NOL4L: variants seen among roughly 807,000 people sequenced by gnomAD.
NOL4L encodes the protein nucleolar protein 4 like.
A neutral mutation model predicts 64.5 loss-of-function variants in NOL4L; 7 were observed. The observed-to-expected ratio is 0.11, with a 90% CI of 0.06 to 0.20. The LOEUF (loss-of-function observed/expected upper bound fraction) is 0.20. Among genes scored for constraint, NOL4L ranks in the 10% least tolerant of loss-of-function variants. NOL4L has a pLI of 1.00. For missense variants in NOL4L, 680 were observed against 967.1 expected, an observed-to-expected ratio of 0.70 and a Z score of 3.94; for synonymous variants, 413 against 401.0, an observed-to-expected ratio of 1.03 and a Z score of -0.36.
intron 1 of NOL4L, among the ~76,000 whole-genome samples, chr20:32,576,658 T>G (rs1980126554): frequency 6.6e-6 from 1 of 152,132 alleles, no homozygotes; most frequent in Non-Finnish European, 1.5e-5. Context: ...CACAACCACG[T>G]GGGTGAGAGG....
At chr20:32,492,117 C>G (rs1466295700) in intron 4 of NOL4L, among the ~76,000 whole-genome samples, 1 of 152,156 alleles carries the variant, frequency 6.6e-6, no homozygotes, top group Non-Finnish European at 1.5e-5. Context: ...TCTCGAAAGA[C>G]AGAAAGAAGA....
intron 4 of NOL4L, among the ~76,000 whole-genome samples, chr20:32,504,593 T>A (rs1600776692): frequency 6.8e-6 from 1 of 147,160 alleles, no homozygotes; most frequent in African/African-American, 2.5e-5. Flanking sequence ...GAAAAAAACA[T>A]CTCAAAACCT....
intron 4 of NOL4L, chr20:32,483,241 C>T: frequency 1.9e-6 from 1 of 533,390 alleles, no homozygotes. Flanking sequence ...CCCAGAACCG[C>T]CCCCAGCCCC....
intron 4 of NOL4L, among the ~76,000 whole-genome samples, chr20:32,504,645 G>A (rs541114401): frequency 8.1e-5 from 12 of 148,998 alleles, no homozygotes; most frequent in Admixed American, 4.0e-4. Context: ...TTGCTCTGTC[G>A]CCAGGCTGGA....
intron 5 of NOL4L, among the ~76,000 whole-genome samples, chr20:32,470,056 A>G (rs1385911653): frequency 6.6e-6 from 1 of 152,194 alleles, no homozygotes; most frequent in African/African-American, 2.4e-5. Context: ...AGGGCTCCAC[A>G]CGACTCTTGC....
chr20:32,571,068 G>T (rs1979720269), intron 1 of NOL4L, among the ~76,000 whole-genome samples: 1 of 152,202 alleles, frequency 6.6e-6, no homozygotes, highest in Non-Finnish European at 1.5e-5. Flanking sequence ...AGTATGTTGG[G>T]CACAGAAGGG....
chr20:32,452,594 C>T (rs1405872820), intron 9 of NOL4L, among the ~76,000 whole-genome samples, 157 bp from the exon 10 acceptor site: 3 of 152,166 alleles, frequency 2.0e-5, no homozygotes, highest in Non-Finnish European at 2.9e-5. Context: ...CTCCCCCAGC[C>T]ACCTTCCCCC....
rs543855452 is a variant in NOL4L, at chr20:32,496,687, A to G, written c.699+14660T>C. Reference sequence around the variant, plus strand: ...TGCCTCAGCCTCCCGAGTAGCTGGAACTACAGGTGCCTGCCACCACAGCTG... The same window carrying G: ...TGCCTCAGCCTCCCGAGTAGCTGGAGCTACAGGTGCCTGCCACCACAGCTG... On this transcript the variant is annotated intron_variant, in intron 4 of 10. Transcript: ENST00000621426. 9.9e-5 allele frequency among the ~76,000 whole-genome samples: 15 copies of G among 152,164 alleles called. No individual in the cohort carries two copies. The East Asian group carries it at 2.9e-3, about 29-fold the overall frequency.
intron 4 of NOL4L, among the ~76,000 whole-genome samples, chr20:32,488,822 TTTCTTTTTCTTTCTTTC>T (rs2016287529): frequency 2.2e-4 from 4 of 17,824 alleles, no homozygotes; most frequent in Non-Finnish European, 3.9e-4. Flanking sequence ...TCTTTCTTTC[TTTCTTTTTCTTTCTTTC>T]TTTCTTTCTT....
At chr20:32,506,080 T>A (rs1309463311) in intron 4 of NOL4L, among the ~76,000 whole-genome samples, 6 of 152,160 alleles carry the variant, frequency 3.9e-5, no homozygotes, top group Non-Finnish European at 7.4e-5. Flanking sequence ...CTTAAAAAAA[T>A]GAATGTGGAG....
intron 6 of NOL4L, among the ~76,000 whole-genome samples, chr20:32,454,818 A>C (rs2013318146): frequency 6.6e-6 from 1 of 152,224 alleles, no homozygotes; most frequent in Non-Finnish European, 1.5e-5. Flanking sequence ...GTGATGTGGC[A>C]GCATGGCCAT....
At chr20:32,489,411 G>A (rs1379825091) in intron 4 of NOL4L, among the ~76,000 whole-genome samples, 1 of 151,756 alleles carries the variant, frequency 6.6e-6, no homozygotes, top group Non-Finnish European at 1.5e-5. Flanking sequence ...CTGAAGTGCA[G>A]TGGCATGATC....
intron 1 of NOL4L, among the ~76,000 whole-genome samples, chr20:32,530,562 G>C (rs1394662989): frequency 6.6e-6 from 1 of 150,440 alleles, no homozygotes; most frequent in Non-Finnish European, 1.5e-5. Flanking sequence ...AATGAATATA[G>C]CTGGGTTTCT....
chr20:32,580,717 AACAAAT>A (rs1210002577), intron 1 of NOL4L, among the ~76,000 whole-genome samples: 5 of 152,144 alleles, frequency 3.3e-5, no homozygotes, highest in Non-Finnish European at 2.9e-5. Context: ...CCTGGCTCTC[AACAAAT>A]GGAAACTTCC....
At chr20:32,560,411 G>A (rs114627378) in intron 1 of NOL4L, among the ~76,000 whole-genome samples, 39 of 152,336 alleles carry the variant, frequency 2.6e-4, no homozygotes, top group African/African-American at 7.9e-4. Context: ...AAGGTCATAC[G>A]GTTCAAAGTG....
At chr20:32,510,456 C>T (rs1428764332) in intron 4 of NOL4L, 3 of 177,066 alleles carry the variant, frequency 1.7e-5, no homozygotes, top group Admixed American at 5.5e-5. Flanking sequence ...CCTCGGAGCA[C>T]GCATGCTGGG....
chr20:32,535,196 G>C (rs563831634), intron 1 of NOL4L, among the ~76,000 whole-genome samples: 1 of 151,844 alleles, frequency 6.6e-6, no homozygotes, highest in South Asian at 2.1e-4. Context: ...ATTGAAGAGA[G>C]GGTATTGCTT....
Position 32,535,788 on chromosome 20 carries a change from C to CTGTG in NOL4L, c.322-7876_322-7875insCACA, listed in dbSNP as rs1186819379. On this transcript the variant is annotated intron_variant, in intron 1 of 10. Coordinates refer to ENST00000621426, the MANE Select transcript of NOL4L (RefSeq NM_001256798.2). ...GAAGGAATGGGAAGAGAAAGGGGCA[C>CTGTG]AGTGGGCCACAGTGCCCCCCAGTTA... is the stretch of plus-strand genomic sequence containing the variant. 8.1e-6 allele frequency: 8 copies of CTGTG among 985,420 alleles called. No individual in the cohort carries two copies. In the East Asian group the frequency reaches 9.1e-4, roughly 112 times the overall value. 61.0% of individuals were successfully genotyped at this position (985,420 alleles called of 1,614,324 possible). A position where few individuals can be genotyped will look rare whatever the true frequency, so the allele number is the denominator to read the frequency against.
At chr20:32,483,198 C>A (rs2015853582) in intron 4 of NOL4L, among the ~76,000 whole-genome samples, 1 of 150,968 alleles carries the variant, frequency 6.6e-6, no homozygotes, top group African/African-American at 2.4e-5. Context: ...CTCCCTCAGC[C>A]CCGGCAAAGG....
Sources: gnomAD v4.1 joint callset for allele counts (sites outside exome capture counted in the v4.1 genomes callset) on GRCh38, gnomAD v4.1.1 for gene constraint, MANE v1.5 for transcripts, NCBI Gene and HGNC (gene_info 2026-07-23, HGNC 2026-07-21) for gene names.